PTPN3: variants seen among roughly 807,000 people sequenced by gnomAD.
PTPN3 encodes tyrosine-protein phosphatase non-receptor type 3.
In PTPN3, 96 loss-of-function variants were observed where a neutral mutation model predicts 132.7. That is an observed-to-expected ratio of 0.72 (90% CI 0.61 to 0.86). The LOEUF (loss-of-function observed/expected upper bound fraction) is 0.86, where lower values mean the gene tolerates loss of function less well. Among genes scored for constraint, PTPN3 ranks in the 40% least tolerant of loss-of-function variants. The pLI, the probability that PTPN3 is intolerant of heterozygous loss-of-function variation, is 0.00. For missense variants in PTPN3, 1,125 were observed against 1,159.6 expected, an observed-to-expected ratio of 0.97 and a Z score of 0.43; for synonymous variants, 398 against 429.0, an observed-to-expected ratio of 0.93 and a Z score of 0.89.
At chr9:109,412,294 G>A (rs370635388) in intron 14 of PTPN3, among the ~76,000 whole-genome samples, 30 of 151,832 alleles carry the variant, frequency 2.0e-4, no homozygotes, top group African/African-American at 6.8e-4. Context: ...CTGCAGCCTC[G>A]ATTTCCTGAC....
chr9:109,412,433 GT>G (rs1842159389), intron 14 of PTPN3, among the ~76,000 whole-genome samples: 1 of 151,714 alleles, frequency 6.6e-6, no homozygotes, highest in African/African-American at 2.4e-5. Context: ...GAATGCAGTG[GT>G]GCAATCTCGG....
rs143950365 is a variant in PTPN3 at position 109,488,469 on chromosome 9, T to C, written c.-18+9750A>G. Reference sequence around the variant, plus strand: ...AGAAAATCTTTCCAACATTCAGCAGTACTAGTATCTTGCATTCTAGGAACC... The same window carrying C: ...AGAAAATCTTTCCAACATTCAGCAGCACTAGTATCTTGCATTCTAGGAACC... On this transcript the variant is annotated intron_variant, in intron 1 of 25. Transcript: ENST00000374541. 4.7e-3 allele frequency among the ~76,000 whole-genome samples: 717 copies of C among 152,266 alleles called. 1 individual carries two copies. Among genetic ancestry groups the C allele is most frequent in the Non-Finnish European group, 8.3e-3 (567 of 68,008 alleles).
At chr9:109,530,563 T>C in the PTPN3 span, among the ~76,000 whole-genome samples, 2 of 152,212 alleles carry the variant, frequency 1.3e-5, no homozygotes, top group Admixed American at 6.5e-5. Context: ...TTCAATTCTT[T>C]TGGGAGTATA....
intron 5 of PTPN3, chr9:109,449,847 C>G (rs1845131927): frequency 1.0e-6 from 1 of 985,254 alleles, no homozygotes; most frequent in Non-Finnish European, 1.2e-6. Context: ...TTTATAAAGG[C>G]CAAGGAACTG....
chr9:109,499,068 C>T (rs1334333441), upstream of PTPN3, among the ~76,000 whole-genome samples: 1 of 141,362 alleles, frequency 7.1e-6, no homozygotes, highest in African/African-American at 2.6e-5. Context: ...TATTGAGCAC[C>T]TATTCTGGTT....
chr9:109,430,925 T>C (rs901849572), intron 10 of PTPN3, among the ~76,000 whole-genome samples: 2 of 152,184 alleles, frequency 1.3e-5, no homozygotes, highest in Non-Finnish European at 2.9e-5. Context: ...TCTCTAGAAT[T>C]TTCCTTGGGC....
chr9:109,448,256 A>T (rs1844993612), intron 6 of PTPN3, among the ~76,000 whole-genome samples: 1 of 152,106 alleles, frequency 6.6e-6, no homozygotes, highest in Non-Finnish European at 1.5e-5. Flanking sequence ...AGAGACTGGG[A>T]ATAAGCTGTG....
chr9:109,391,736 A>G (rs1036709189), intron 19 of PTPN3, among the ~76,000 whole-genome samples, 175 bp from the exon 20 acceptor site: 5 of 119,920 alleles, frequency 4.2e-5, no homozygotes, highest in Non-Finnish European at 8.3e-5. Context: ...GAAACTGACT[A>G]AACTCTTTAA....
the PTPN3 span, among the ~76,000 whole-genome samples, chr9:109,505,973 G>C: frequency 1.3e-5 from 2 of 151,624 alleles, no homozygotes; most frequent in Non-Finnish European, 2.9e-5. Context: ...GGATGGTCTC[G>C]ATCTCCTGAC....
At chr9:109,450,208 G>T (rs1231380178) in intron 5 of PTPN3, 1 of 985,218 alleles carries the variant, frequency 1.0e-6, no homozygotes, top group Non-Finnish European at 1.2e-6. Context: ...ACCTGGCCTT[G>T]AGAGACAGTA....
chr9:109,417,906 AG>A (rs1177019555), intron 14 of PTPN3: 1 of 508,472 alleles, frequency 2.0e-6, no homozygotes. Flanking sequence ...AGGGGTTTCA[AG>A]AAGACTCATT....
chr9:109,409,149 A>G (rs751358565), intron 16 of PTPN3, among the ~76,000 whole-genome samples: 6 of 152,108 alleles, frequency 3.9e-5, no homozygotes, highest in Non-Finnish European at 7.4e-5. Flanking sequence ...CAGTAAACAA[A>G]TGGCTGTGGC....
chr9:109,503,620 A>G, the PTPN3 span, among the ~76,000 whole-genome samples: 2 of 152,036 alleles, frequency 1.3e-5, no homozygotes, highest in African/African-American at 4.8e-5. Flanking sequence ...GAGGCAGGAG[A>G]ATCGCTGGAA....
chr9:109,501,304 G>A (rs1408562731), upstream of PTPN3, among the ~76,000 whole-genome samples: 2 of 152,188 alleles, frequency 1.3e-5, no homozygotes, highest in South Asian at 2.1e-4. Flanking sequence ...TTAAGGGGGT[G>A]AGGATTTGAA....
intron 1 of PTPN3, among the ~76,000 whole-genome samples, chr9:109,484,706 T>G (rs1264628267): frequency 6.6e-6 from 1 of 152,140 alleles, no homozygotes; most frequent in Non-Finnish European, 1.5e-5. Context: ...TTGTTTGATA[T>G]CCATCCCATT....
At chr9:109,534,180 C>T in the PTPN3 span, 157 of 989,790 alleles carry the variant, frequency 1.6e-4, no homozygotes, top group African/African-American at 2.4e-3. Flanking sequence ...CCTTCTTGTC[C>T]CCGCCGGCAG....
intron 1 of PTPN3, among the ~76,000 whole-genome samples, chr9:109,473,562 C>T (rs1449533948): frequency 2.6e-5 from 4 of 152,224 alleles, no homozygotes; most frequent in East Asian, 1.9e-4. Context: ...CGGGCAGTTT[C>T]GGGAAAGAGG....
intron 1 of PTPN3, among the ~76,000 whole-genome samples, chr9:109,480,895 AATGGATGG>A (rs199785673): frequency 1.3e-4 from 19 of 151,694 alleles, no homozygotes; most frequent in Non-Finnish European, 4.4e-5. Flanking sequence ...CTGTGGGATG[AATGGATGG>A]ATGGATGGAT....
the PTPN3 span, chr9:109,534,164 C>T: frequency 2.3e-6 from 2 of 884,634 alleles, no homozygotes; most frequent in South Asian, 1.3e-5. Context: ...ACCTTCGTTG[C>T]GATGACCTTC....
Sources: allele counts gnomAD v4.1 joint callset (sites outside exome capture counted in the v4.1 genomes callset), GRCh38; gene constraint gnomAD v4.1.1; transcripts MANE v1.5; gene names NCBI Gene and HGNC (gene_info 2026-07-23, HGNC 2026-07-21).